TFAP2D: variants seen among roughly 807,000 people sequenced by gnomAD.
TFAP2D encodes transcription factor AP-2 delta.
In TFAP2D, 9 loss-of-function variants were observed where a neutral mutation model predicts 43.6. The ratio of observed to expected loss-of-function variants is 0.21; its 90% CI spans 0.12 to 0.36. The LOEUF (loss-of-function observed/expected upper bound fraction) is 0.36. Among genes scored for constraint, TFAP2D ranks in the 10% least tolerant of loss-of-function variants. The pLI is 1.00. For missense variants in TFAP2D, 513 were observed against 561.4 expected (o/e 0.91, Z 0.87); for synonymous variants, 256 against 224.9 (o/e 1.14, Z -1.24).
chr6:50,743,422 C>T (rs758917312), intron 5 of TFAP2D, among the ~76,000 whole-genome samples: 23 of 152,082 alleles, frequency 1.5e-4, no homozygotes, highest in Middle Eastern at 3.4e-3. Context: ...TACTCTGTCA[C>T]GCAGGCTGGA....
intron 7 of TFAP2D, among the ~76,000 whole-genome samples, chr6:50,764,363 A>G (rs577569390): frequency 6.6e-6 from 1 of 152,196 alleles, no homozygotes; most frequent in Non-Finnish European, 1.5e-5. Context: ...TTCCCTGCAA[A>G]CATTAGGCCT....
At chr6:50,772,254 G>A (rs995039346) in intron 7 of TFAP2D, among the ~76,000 whole-genome samples, 24 of 152,056 alleles carry the variant, frequency 1.6e-4, no homozygotes, top group Non-Finnish European at 1.6e-4. Flanking sequence ...GGTGGGCGGA[G>A]GGGGGAGGGA....
Position 50,728,865 on chromosome 6 carries a change from G to A in TFAP2D, c.608G>A (p.Cys203Tyr). 1 of 1,613,852 alleles carries A rather than the reference G, an allele frequency of 6.2e-7. No individual in the cohort carries two copies. Among genetic ancestry groups the A allele is most frequent in the Non-Finnish European group, 8.5e-7 (1 of 1,179,850 alleles). Residue 203 changes from cysteine to tyrosine, a missense_variant, in exon 4 of 8, where the codon TGT becomes TAT. By Grantham distance (194) the Cys-to-Tyr change is radical (BLOSUM62 -2). Coordinates refer to ENST00000008391, the MANE Select transcript of TFAP2D (RefSeq NM_172238.4). Reference sequence around the variant, plus strand: ...CTTTTTTTCTCCCAAGGTGGCACCTGTGTGGTCAACCCCACAGACTTATTT... The same window carrying A: ...CTTTTTTTCTCCCAAGGTGGCACCTATGTGGTCAACCCCACAGACTTATTT... ...QGGVIRRGGTCVVNPTDLFCS... is the reference protein window; with the variant it reads ...QGGVIRRGGTYVVNPTDLFCS...
At chr6:50,761,117 T>C (rs1769356239) in intron 7 of TFAP2D, among the ~76,000 whole-genome samples, 1 of 151,510 alleles carries the variant, frequency 6.6e-6, no homozygotes, top group South Asian at 2.1e-4. Flanking sequence ...GACATCAGTA[T>C]GCAATTCTAG....
intron 5 of TFAP2D, among the ~76,000 whole-genome samples, chr6:50,735,336 A>G (rs1190446258): frequency 6.6e-6 from 1 of 152,116 alleles, no homozygotes; most frequent in Admixed American, 6.6e-5. Flanking sequence ...GAATTTAACT[A>G]AAGTAAAACT....
At chr6:50,744,518 C>T (rs1769096973) in intron 5 of TFAP2D, among the ~76,000 whole-genome samples, 1 of 152,124 alleles carries the variant, frequency 6.6e-6, no homozygotes. Context: ...GATTGATTTT[C>T]ATCACTTAAT....
At chr6:50,772,538 A>G (rs1769544170) in intron 7 of TFAP2D, 107 bp from the exon 8 acceptor site, 1 of 961,086 alleles carries the variant, frequency 1.0e-6, no homozygotes, top group Non-Finnish European at 1.6e-6. Context: ...TAGGAACACA[A>G]TGAATACCTG....
At chr6:50,760,859 G>A (rs1334737954) in intron 7 of TFAP2D, among the ~76,000 whole-genome samples, 1 of 151,386 alleles carries the variant, frequency 6.6e-6, no homozygotes, top group African/African-American at 2.4e-5. Context: ...AGGTTGGGCG[G>A]AGAAGACCTA....
intron 7 of TFAP2D, among the ~76,000 whole-genome samples, chr6:50,765,310 A>C (rs1397214989): frequency 1.3e-5 from 2 of 152,210 alleles, no homozygotes; most frequent in Non-Finnish European, 2.9e-5. Flanking sequence ...TATTAGAAAT[A>C]ATGCTGCAAT....
intron 7 of TFAP2D, among the ~76,000 whole-genome samples, chr6:50,759,701 C>T (rs1185345233): frequency 6.6e-6 from 1 of 152,012 alleles, no homozygotes; most frequent in Non-Finnish European, 1.5e-5. Flanking sequence ...TTATCACTTT[C>T]AAGAAGCTGA....
Position 50,713,900 on chromosome 6 carries a change from T to G in TFAP2D, c.-156T>G. On this transcript the variant is annotated 5_prime_UTR_variant, in exon 1 of 8. Transcript: ENST00000008391. ...TAAGTGGGTACGAGGCAAGGAGCTA[T>G]CTGATCCGGGCAAAACCATTACAAT... is the stretch of plus-strand genomic sequence containing the variant. 1.7e-6 allele frequency: 2 copies of G among 1,167,910 alleles called. No homozygotes were observed. Among genetic ancestry groups the G allele is most frequent in the Non-Finnish European group, 2.5e-6 (2 of 811,188 alleles). The allele number at this position is 1,167,910 out of a possible 1,614,324, so 72.3% of individuals were successfully genotyped here. A position where few individuals can be genotyped will look rare whatever the true frequency, so the allele number is the denominator to read the frequency against.
chr6:50,723,502 G>T (rs900062249), intron 3 of TFAP2D, among the ~76,000 whole-genome samples: 1 of 152,256 alleles, frequency 6.6e-6, no homozygotes, highest in East Asian at 1.9e-4. Context: ...CACTACTCTC[G>T]CTAGCCAAAA....
intron 7 of TFAP2D, among the ~76,000 whole-genome samples, chr6:50,766,739 G>T (rs1179273963): frequency 7.6e-6 from 1 of 131,518 alleles, no homozygotes; most frequent in African/African-American, 2.8e-5. Context: ...CGCAATCTCG[G>T]CTCACTGCAA....
At chr6:50,749,459 CAA>C (rs1415567200) in intron 6 of TFAP2D, among the ~76,000 whole-genome samples, 3 of 151,510 alleles carry the variant, frequency 2.0e-5, no homozygotes, top group Non-Finnish European at 3.0e-5. Flanking sequence ...CTGCTAAAAA[CAA>C]AAGTCTAAAA....
At chr6:50,719,296 A>C (rs936498336) in intron 3 of TFAP2D, 146 bp downstream of exon 3, 3 of 831,776 alleles carry the variant, frequency 3.6e-6, no homozygotes, top group Admixed American at 2.5e-5. Flanking sequence ...CAACACTGGC[A>C]TATCCACATT....
At chr6:50,767,256 G>T (rs1769458475) in intron 7 of TFAP2D, among the ~76,000 whole-genome samples, 1 of 152,164 alleles carries the variant, frequency 6.6e-6, no homozygotes, top group Non-Finnish European at 1.5e-5. Flanking sequence ...CCGTCTTCTT[G>T]TTCCTGATCT....
intron 3 of TFAP2D, among the ~76,000 whole-genome samples, chr6:50,726,507 A>G (rs2114035905): frequency 6.6e-6 from 1 of 152,300 alleles, no homozygotes; most frequent in South Asian, 2.1e-4. Flanking sequence ...ATGTCAGAAT[A>G]TCAATTTGCT....
At chr6:50,718,407 G>A (rs1581757199) in intron 2 of TFAP2D, among the ~76,000 whole-genome samples, 1 of 152,234 alleles carries the variant, frequency 6.6e-6, no homozygotes, top group African/African-American at 2.4e-5. Context: ...AAAGGAAAAT[G>A]AGCCTTTAAC....
chr6:50,757,251 A>G (rs1290785362), intron 7 of TFAP2D, among the ~76,000 whole-genome samples: 1 of 146,918 alleles, frequency 6.8e-6, no homozygotes, highest in Non-Finnish European at 1.5e-5. Flanking sequence ...AATTATATAT[A>G]TAATTATTCT....
Sources: gnomAD v4.1 joint callset for allele counts (sites outside exome capture counted in the v4.1 genomes callset) on GRCh38, gnomAD v4.1.1 for gene constraint, MANE v1.5 for transcripts, NCBI Gene and HGNC (gene_info 2026-07-23, HGNC 2026-07-21) for gene names.